PSD3: variants seen among roughly 807,000 people sequenced by gnomAD.
PSD3 encodes PH and SEC7 domain-containing protein 3.
In PSD3, 49 loss-of-function variants were observed where a neutral mutation model predicts 105.5. The ratio of observed to expected loss-of-function variants is 0.46; its 90% confidence interval spans 0.37 to 0.59. The LOEUF (loss-of-function observed/expected upper bound fraction) is 0.59. Among genes scored for constraint, PSD3 ranks in the 20% least tolerant of loss-of-function variants. PSD3 has a pLI of 0.00. For missense variants in PSD3, 1,561 were observed against 1,263.8 expected (o/e 1.24, Z -3.57); for synonymous variants, 557 against 457.8 (o/e 1.22, Z -2.77).
chr8:19,037,248 G>A (rs902592763), intron 1 of PSD3, among the ~76,000 whole-genome samples: 4 of 152,214 alleles, frequency 2.6e-5, no homozygotes, highest in South Asian at 2.1e-4. Flanking sequence ...GCAAGATGCC[G>A]AGAGCCACCA....
At chr8:18,550,708 A>T (rs1248349937) in intron 15 of PSD3, among the ~76,000 whole-genome samples, 3 of 152,202 alleles carry the variant, frequency 2.0e-5, no homozygotes, top group African/African-American at 7.2e-5. Context: ...TACTGAAAGC[A>T]TACCACTTTT....
intron 1 of PSD3, among the ~76,000 whole-genome samples, chr8:19,025,190 CATT>C (rs10569328): frequency 0.26 from 40,230 of 151,940 alleles, 6,311 homozygotes; most frequent in East Asian, 0.4. Context: ...ATTACACACT[CATT>C]AACACCCTAA....
At chr8:19,035,367 A>T (rs913087127) in intron 1 of PSD3, among the ~76,000 whole-genome samples, 3 of 152,222 alleles carry the variant, frequency 2.0e-5, no homozygotes, top group Non-Finnish European at 4.4e-5. Flanking sequence ...AAGCACTATG[A>T]ACATGAAAAC....
chr8:18,735,414 T>A (rs1486111927), intron 9 of PSD3, among the ~76,000 whole-genome samples: 2 of 152,186 alleles, frequency 1.3e-5, no homozygotes, highest in African/African-American at 4.8e-5. Context: ...GAATGGCGAA[T>A]GGACGATAAA....
intron 15 of PSD3, among the ~76,000 whole-genome samples, chr8:18,538,550 A>C (rs1174919728): frequency 1.3e-5 from 2 of 152,246 alleles, no homozygotes; most frequent in African/African-American, 4.8e-5. Flanking sequence ...AAATAGTCTA[A>C]AGGTAAGTTT....
intron 9 of PSD3, among the ~76,000 whole-genome samples, chr8:18,756,504 G>A (rs1806052313): frequency 6.6e-6 from 1 of 151,842 alleles, no homozygotes; most frequent in Admixed American, 6.6e-5. Flanking sequence ...TACAAGGTGA[G>A]AGCTAAGAGA....
intron 15 of PSD3, among the ~76,000 whole-genome samples, chr8:18,551,522 T>G (rs1303901920): frequency 6.6e-6 from 1 of 152,212 alleles, no homozygotes; most frequent in Non-Finnish European, 1.5e-5. Flanking sequence ...TGTCCTAGAT[T>G]TTTAAGAAAA....
intron 9 of PSD3, among the ~76,000 whole-genome samples, chr8:18,660,009 C>T (rs1209149385): frequency 6.6e-6 from 1 of 152,060 alleles, no homozygotes; most frequent in South Asian, 2.1e-4. Flanking sequence ...TACAGTGAAG[C>T]GATAACTCAC....
intron 1 of PSD3, among the ~76,000 whole-genome samples, chr8:19,024,897 T>C (rs1056160686): frequency 6.6e-6 from 1 of 151,804 alleles, no homozygotes; most frequent in Non-Finnish European, 1.5e-5. Flanking sequence ...GTAGCTTTTA[T>C]AATAAACCAG....
intron 1 of PSD3, among the ~76,000 whole-genome samples, chr8:19,037,735 A>C (rs1241890097): frequency 6.6e-6 from 1 of 152,124 alleles, no homozygotes; most frequent in Non-Finnish European, 1.5e-5. Flanking sequence ...CTTCACACTC[A>C]GAACAGAACT....
chr8:18,544,398 T>C (rs73209783), intron 15 of PSD3, among the ~76,000 whole-genome samples: 23,443 of 151,672 alleles, frequency 0.15, 2,059 homozygotes, highest in South Asian at 0.25. Context: ...ATGCTGGAAA[T>C]AACATTTTTA....
intron 8 of PSD3, among the ~76,000 whole-genome samples, chr8:18,784,700 CAGTG>C (rs1427711925): frequency 1.3e-5 from 2 of 152,112 alleles, no homozygotes. Context: ...TATAGATAAA[CAGTG>C]AGATAAAGAG....
At position 18,619,907 on chromosome 8, in the gene PSD3, C is replaced by A. The variant is rs554609355; in HGVS notation, c.2410+12706G>T. On this transcript the variant is annotated intron_variant, in intron 11 of 15. Coordinates refer to ENST00000327040, the MANE Select transcript of PSD3 (RefSeq NM_015310.4). ...GGGGAAATTAACATCTTTGGAGAATCGCCATTGATGCAGCCAGGCCTTCCC... is the reference window on the plus strand; with the variant it reads ...GGGGAAATTAACATCTTTGGAGAATAGCCATTGATGCAGCCAGGCCTTCCC... 3.2e-3 allele frequency among the ~76,000 whole-genome samples: 482 copies of A among 152,276 alleles called. 3 individuals carry two copies. Among genetic ancestry groups the A allele is most frequent in the Middle Eastern group, 0.014 (4 of 294 alleles).
rs987253527 is a variant in PSD3, at chr8:18,615,931, T to C, written c.2411-15497A>G. Among the ~76,000 whole-genome samples, 14 of 152,384 alleles carry C rather than the reference T, an allele frequency of 9.2e-5. No individual in the cohort carries two copies. In the East Asian group the frequency reaches 2.7e-3, roughly 29 times the overall value. On this transcript the variant is annotated intron_variant, in intron 11 of 15. Transcript: ENST00000327040. ...CCAAGGCCCACGGGCATCTTTAAAA[T>C]GCCTCCGGGCAAAAACAGCTGAAGG...
chr8:18,819,938 T>C (rs1396267962), intron 4 of PSD3, among the ~76,000 whole-genome samples: 1 of 152,240 alleles, frequency 6.6e-6, no homozygotes, highest in African/African-American at 2.4e-5. Context: ...TGTCAGACTT[T>C]TATTACCTGT....
chr8:18,914,896 A>G (rs141009111), intron 2 of PSD3, among the ~76,000 whole-genome samples: 55 of 152,296 alleles, frequency 3.6e-4, no homozygotes, highest in African/African-American at 1.3e-3. Context: ...CAAATAACCA[A>G]ACCAATCTGG....
intron 9 of PSD3, among the ~76,000 whole-genome samples, chr8:18,736,600 G>A (rs1053368888): frequency 6.6e-6 from 1 of 152,048 alleles, no homozygotes; most frequent in Non-Finnish European, 1.5e-5. Flanking sequence ...TCATCAATGG[G>A]GCTGTAGTTC....
chr8:18,874,536 G>GTA lies in PSD3; in HGVS notation c.131-1805_131-1804dup, dbSNP rs781086630. Among the ~76,000 whole-genome samples the GTA allele has an allele frequency of 5.3e-5, 8 of 151,560 alleles. No individual in the cohort carries two copies. In the South Asian group the frequency reaches 1.3e-3, roughly 24 times the overall value. On this transcript the variant is annotated intron_variant, in intron 2 of 15. Coordinates refer to ENST00000327040, the MANE Select transcript of PSD3 (RefSeq NM_015310.4). ...AGTGAAATATTTTATAAATGTCTGTGTATATATATACACTGAAATGGCTGA... is the reference window on the plus strand; with the variant it reads ...AGTGAAATATTTTATAAATGTCTGTGTATATATATATACACTGAAATGGCTGA...
chr8:18,755,394 C>T (rs1277292680), intron 9 of PSD3, among the ~76,000 whole-genome samples: 2 of 151,492 alleles, frequency 1.3e-5, no homozygotes, highest in African/African-American at 2.4e-5. Flanking sequence ...TGTACCACTG[C>T]ACTCCTGCCT....
Sources: gnomAD v4.1 joint callset for allele counts (sites outside exome capture counted in the v4.1 genomes callset) on GRCh38, gnomAD v4.1.1 for gene constraint, MANE v1.5 for transcripts, NCBI Gene and HGNC (gene_info 2026-07-23, HGNC 2026-07-21) for gene names.